SPAG16: variants seen among roughly 807,000 people sequenced by gnomAD.
SPAG16 encodes the protein sperm-associated antigen 16 protein.
Under a neutral mutation model 80.4 loss-of-function variants are expected in SPAG16, and 86 were observed. That is an observed-to-expected ratio of 1.07 (90% CI 0.90 to 1.28). The LOEUF is 1.28. Ranked by LOEUF, SPAG16 falls within the 50% of genes most tolerant of loss-of-function variation. The probability of loss-of-function intolerance (pLI) is 0.00; values close to 1 mark genes in which losing one functional copy is unlikely to be tolerated. For missense variants in SPAG16, 870 were observed against 765.3 expected, an observed-to-expected ratio of 1.14 and a Z score of -1.61; for synonymous variants, 294 against 265.9, an observed-to-expected ratio of 1.11 and a Z score of -1.03.
At position 213,876,476 on chromosome 2, in the gene SPAG16, G is replaced by A. The variant is rs148021418; in HGVS notation, c.1214+13848G>A. On this transcript the variant is annotated intron_variant, in intron 11 of 15. Coordinates refer to ENST00000331683, the MANE Select transcript of SPAG16 (RefSeq NM_024532.5). ...TTATCAATAAAAAGAGCCTCCTTGT[G>A]GAGAAAGGAATAAGTCACATATAAA... 3.3e-4 allele frequency among the ~76,000 whole-genome samples: 50 copies of A among 152,140 alleles called. No individual in the cohort carries two copies. The East Asian group carries it at 9.5e-3, about 29-fold the overall frequency.
At chr2:213,634,642 TATTTGGTTAC>T (rs1185847777) in intron 10 of SPAG16, among the ~76,000 whole-genome samples, 1 of 152,168 alleles carries the variant, frequency 6.6e-6, no homozygotes, top group Non-Finnish European at 1.5e-5. Flanking sequence ...GAACAGGTAT[TATTTGGTTAC>T]ATGGATAAGT....
Position 214,341,888 on chromosome 2 carries a change from CCTAGAGAACAAGTTCCAAGGTCTAAGGG to C in SPAG16, c.1721-68249_1721-68222del, listed in dbSNP as rs924846891. ...ATCTTCTAGATTAACTTTCTGCAGA[CCTAGAGAACAAGTTCCAAGGTCTAAGGG>C]CTCTGGCAGGGAGGTCTCCAAGGCA... is the stretch of plus-strand genomic sequence containing the variant. On this transcript the variant is annotated intron_variant, in intron 15 of 15. Coordinates refer to ENST00000331683, the MANE Select transcript of SPAG16 (RefSeq NM_024532.5). 4.6e-5 allele frequency among the ~76,000 whole-genome samples: 7 copies of C among 152,184 alleles called. No individual in the cohort carries two copies. In the East Asian group the frequency reaches 1.2e-3, roughly 25 times the overall value.
intron 14 of SPAG16, among the ~76,000 whole-genome samples, chr2:214,133,820 G>A (rs2054907839): frequency 6.6e-6 from 1 of 152,122 alleles, no homozygotes; most frequent in African/African-American, 2.4e-5. Flanking sequence ...GGAAAGAGAT[G>A]GAGAATGGGA....
At chr2:213,648,306 T>C (rs1360923149) in intron 10 of SPAG16, among the ~76,000 whole-genome samples, 3 of 151,242 alleles carry the variant, frequency 2.0e-5, no homozygotes, top group African/African-American at 7.4e-5. Context: ...ATCACCTATG[T>C]CTATTCAAAA....
At chr2:213,717,384 T>C (rs908074607) in intron 10 of SPAG16, among the ~76,000 whole-genome samples, 1 of 151,978 alleles carries the variant, frequency 6.6e-6, no homozygotes, top group Non-Finnish European at 1.5e-5. Flanking sequence ...ATGGTCTCGA[T>C]CTCCTGACCT....
chr2:214,195,804 T>A (rs914773678), intron 15 of SPAG16, among the ~76,000 whole-genome samples: 90 of 152,114 alleles, frequency 5.9e-4, no homozygotes, highest in African/African-American at 2.1e-3. Flanking sequence ...AAACTAGCTA[T>A]GGAAGTCTAG....
intron 9 of SPAG16, among the ~76,000 whole-genome samples, chr2:213,439,151 A>G (rs564035106): frequency 1.3e-5 from 2 of 152,222 alleles, no homozygotes; most frequent in African/African-American, 4.8e-5. Context: ...CTCCTGACCC[A>G]TGGTAACTGT....
chr2:214,291,451 G>A (rs1056530001), intron 15 of SPAG16, among the ~76,000 whole-genome samples: 4 of 149,484 alleles, frequency 2.7e-5, no homozygotes, highest in East Asian at 2.0e-4. Flanking sequence ...GACTACAGGC[G>A]CCCGCCACTA....
At chr2:214,388,539 T>G (rs2126122525) in intron 15 of SPAG16, among the ~76,000 whole-genome samples, 1 of 152,344 alleles carries the variant, frequency 6.6e-6, no homozygotes, top group Admixed American at 6.5e-5. Flanking sequence ...AGAACCAAAT[T>G]ATTAAAATCA....
intron 11 of SPAG16, among the ~76,000 whole-genome samples, chr2:213,920,649 C>T (rs1303803267): frequency 6.6e-6 from 1 of 152,160 alleles, no homozygotes; most frequent in Non-Finnish European, 1.5e-5. Context: ...GCAGGCATGG[C>T]CAGGCTGGGG....
At chr2:214,086,182 C>A (rs558848299) in intron 13 of SPAG16, among the ~76,000 whole-genome samples, 3 of 152,312 alleles carry the variant, frequency 2.0e-5, no homozygotes, top group African/African-American at 7.2e-5. Flanking sequence ...CTCTGGCTTT[C>A]ATTTTCTTTC....
At chr2:214,142,815 C>G (rs552602244) in intron 14 of SPAG16, among the ~76,000 whole-genome samples, 1 of 152,090 alleles carries the variant, frequency 6.6e-6, no homozygotes, top group Non-Finnish European at 1.5e-5. Flanking sequence ...AAATCTTACC[C>G]CAGCCATGGT....
At chr2:214,052,568 C>A (rs1294808361) in intron 13 of SPAG16, among the ~76,000 whole-genome samples, 1 of 152,110 alleles carries the variant, frequency 6.6e-6, no homozygotes, top group Non-Finnish European at 1.5e-5. Flanking sequence ...GTCTATATAT[C>A]CCAGATATAG....
chr2:213,583,739 A>G (rs2060371656), intron 10 of SPAG16, among the ~76,000 whole-genome samples: 1 of 152,192 alleles, frequency 6.6e-6, no homozygotes, highest in Non-Finnish European at 1.5e-5. Context: ...TTTTTCTCCC[A>G]TATTTGATCT....
chr2:213,833,472 TA>T lies in SPAG16; in HGVS notation c.1071-29011del, dbSNP rs1307166750. Among the ~76,000 whole-genome samples, 30 of 8,600 alleles carry T rather than the reference TA, an allele frequency of 3.5e-3. 5 individuals carry two copies. The highest frequency in any genetic ancestry group is 0.015 in the East Asian group (4 of 268). 5.6% of individuals were successfully genotyped at this position (8,600 alleles called of 152,430 possible). A position where few individuals can be genotyped will look rare whatever the true frequency, so the allele number is the denominator to read the frequency against. The stretch of plus-strand genomic sequence containing the variant: ...ATATATATTATATATATATTATATA[TA>T]ATAATATATATATTATATATAATAT... On this transcript the variant is annotated intron_variant, in intron 10 of 15. Coordinates refer to ENST00000331683, the MANE Select transcript of SPAG16 (RefSeq NM_024532.5).
chr2:213,898,300 G>A (rs1300839372), intron 11 of SPAG16, among the ~76,000 whole-genome samples: 1 of 152,114 alleles, frequency 6.6e-6, no homozygotes, highest in East Asian at 1.9e-4. Flanking sequence ...CACTTGATTT[G>A]TATACCTAAA....
chr2:213,544,383 G>C (rs973809603), intron 10 of SPAG16, among the ~76,000 whole-genome samples: 12 of 151,864 alleles, frequency 7.9e-5, no homozygotes, highest in Admixed American at 2.0e-4. Flanking sequence ...AGCAGTTTTA[G>C]GTTCATGGCA....
At chr2:213,992,046 GAA>G (rs1276208500) in intron 12 of SPAG16, among the ~76,000 whole-genome samples, 4 of 151,874 alleles carry the variant, frequency 2.6e-5, no homozygotes, top group African/African-American at 9.7e-5. Flanking sequence ...CATAAAGAAA[GAA>G]AAAGCCTGTT....
intron 15 of SPAG16, among the ~76,000 whole-genome samples, chr2:214,329,191 T>C (rs1405190391): frequency 1.3e-5 from 2 of 152,328 alleles, no homozygotes; most frequent in East Asian, 3.9e-4. Context: ...CCATCTCAAA[T>C]CAGCTCTGTG....
Sources: allele counts gnomAD v4.1 joint callset (sites outside exome capture counted in the v4.1 genomes callset), GRCh38; gene constraint gnomAD v4.1.1; transcripts MANE v1.5; gene names NCBI Gene and HGNC (gene_info 2026-07-23, HGNC 2026-07-21).